Variants in RBM47 observed in about 807,000 individuals in gnomAD.
RBM47 encodes RNA-binding protein 47.
RBM47 carries 21 observed loss-of-function variants against 47.1 expected under a neutral mutation model. The observed-to-expected ratio is 0.45, with a 90% CI of 0.32 to 0.64. RBM47 has a LOEUF of 0.64. RBM47 is among the 30% of genes least tolerant of loss of function. The probability of loss-of-function intolerance (pLI) is 0.05; values close to 1 mark genes in which losing one functional copy is unlikely to be tolerated. For missense variants in RBM47, 708 were observed against 870.9 expected (o/e 0.81, Z 2.35); for synonymous variants, 375 against 361.7 (o/e 1.04, Z -0.42).
intron 1 of RBM47, among the ~76,000 whole-genome samples, chr4:40,625,814 C>CTATTTATAGATTTATT (rs1737688243): frequency 6.6e-6 from 1 of 152,116 alleles, no homozygotes; most frequent in Non-Finnish European, 1.5e-5. Context: ...TGAGTGTAAT[C>CTATTTATAGATTTATT]TATAAATAAA....
chr4:40,550,907 CA>C (rs796760473), intron 1 of RBM47, among the ~76,000 whole-genome samples: 147 of 133,296 alleles, frequency 1.1e-3, no homozygotes, highest in South Asian at 2.7e-3. Context: ...TCAAGGAATG[CA>C]AAAAAAAAAA....
chr4:40,448,914 G>A (rs144756636), intron 3 of RBM47, among the ~76,000 whole-genome samples: 90 of 152,318 alleles, frequency 5.9e-4, no homozygotes, highest in African/African-American at 2.0e-3. Context: ...CCCAAACTTG[G>A]GGTGAAGGAG....
rs2154275295 is a variant in RBM47, at chr4:40,592,121, C to T, written c.-240+37275G>A. On this transcript the variant is annotated intron_variant, in intron 1 of 6. Transcript: ENST00000295971. ...AGTCCACCATTTCCCATTCAGATTT[C>T]AAATGCAGAATCTTTGACCTGTGAC... Among the ~76,000 whole-genome samples the T allele has an allele frequency of 2.0e-5, 3 of 152,276 alleles. No homozygotes were observed. In the South Asian group the frequency reaches 6.2e-4, roughly 32 times the overall value.
chr4:40,432,679 G>C lies in RBM47; in HGVS notation c.1514C>G (p.Pro505Arg). 6.2e-7 allele frequency: 1 copy of C among 1,610,820 alleles called. No homozygotes were observed. Among genetic ancestry groups the C allele is most frequent in the Non-Finnish European group, 8.5e-7 (1 of 1,179,596 alleles). The change falls in exon 6 of 7, where the codon CCC becomes CGC. Residue 505 changes from proline (P) to arginine (R), a missense_variant. Pro to Arg is a moderately radical substitution (Grantham distance 103, BLOSUM62 -2). Coordinates refer to ENST00000295971, the MANE Select transcript of RBM47 (RefSeq NM_001098634.2). ...AAAAAAAAVIPTVSTPPPFQG... is the reference protein window; with the variant it reads ...AAAAAAAAVIRTVSTPPPFQG... ...GAAAGGTGGTGGCGTCGACACAGTG[G>C]GAATGACAGCGGCTGCGGCGGCTGC... is the stretch of plus-strand genomic sequence containing the variant.
chr4:40,525,097 A>G (rs1054723983), intron 2 of RBM47, among the ~76,000 whole-genome samples: 7 of 152,210 alleles, frequency 4.6e-5, no homozygotes, highest in African/African-American at 1.7e-4. Flanking sequence ...CTTGCACCCA[A>G]CTAGGGGACC....
intron 3 of RBM47, among the ~76,000 whole-genome samples, chr4:40,453,558 TTGATTAAGA>T (rs1347199621): frequency 6.6e-6 from 1 of 152,238 alleles, no homozygotes; most frequent in African/African-American, 2.4e-5. Flanking sequence ...TGTTAAATAA[TTGATTAAGA>T]TGATGAAGAT....
At chr4:40,557,195 A>T (rs1730182025) in intron 1 of RBM47, among the ~76,000 whole-genome samples, 1 of 152,000 alleles carries the variant, frequency 6.6e-6, no homozygotes, top group Admixed American at 6.6e-5. Context: ...TCTCAGTTCA[A>T]ATGTCAATTC....
chr4:40,481,612 C>T (rs1399716454), intron 2 of RBM47, among the ~76,000 whole-genome samples: 3 of 150,400 alleles, frequency 2.0e-5, no homozygotes, highest in African/African-American at 7.3e-5. Flanking sequence ...AGTGCAGTGG[C>T]ATGATCTCAG....
At chr4:40,602,066 G>T (rs1014435933) in intron 1 of RBM47, among the ~76,000 whole-genome samples, 2 of 152,086 alleles carry the variant, frequency 1.3e-5, no homozygotes, top group Non-Finnish European at 2.9e-5. Flanking sequence ...CTACTCAGGG[G>T]CTGAGGCAGG....
rs1339578642 is a variant in RBM47 at position 40,424,622 on chromosome 4, C to T, written c.*1282G>A. The T allele has an allele frequency of 6.6e-6, 1 of 152,060 alleles. No individual in the cohort carries two copies. Among genetic ancestry groups the T allele is most frequent in the African/African-American group, 2.4e-5 (1 of 41,374 alleles). The allele number at this position is 152,060 out of a possible 1,614,324, so 9.4% of individuals were successfully genotyped here. On this transcript the variant is annotated 3_prime_UTR_variant, in exon 7 of 7. Transcript: ENST00000295971. Reference sequence around the variant, plus strand: ...TCCTCCTCCTCCTGGATGTGCACACCCCAATCCAGTTCACCCATCAAGTGC... The same window carrying T: ...TCCTCCTCCTCCTGGATGTGCACACTCCAATCCAGTTCACCCATCAAGTGC...
At position 40,591,948 on chromosome 4, in the gene RBM47, T is replaced by C. The variant is rs13137638; in HGVS notation, c.-240+37448A>G. On this transcript the variant is annotated intron_variant, in intron 1 of 6. Coordinates refer to ENST00000295971, the MANE Select transcript of RBM47 (RefSeq NM_001098634.2). ...AAAATGGAACCTCTCAAAGTTAATA[T>C]ATATTTTGGATGCCTAGGAGAGCTT... 2.8e-3 allele frequency among the ~76,000 whole-genome samples: 420 copies of C among 152,252 alleles called. 1 individual carries two copies. Among genetic ancestry groups the C allele is most frequent in the Admixed American group, 5.6e-3 (85 of 15,286 alleles).
intron 1 of RBM47, among the ~76,000 whole-genome samples, chr4:40,576,233 C>T: frequency 8.0e-6 from 1 of 125,476 alleles, no homozygotes; most frequent in Non-Finnish European, 1.6e-5. Flanking sequence ...TTTTCTTTCT[C>T]TTTTCTGTTT....
In RBM47 at chr4:40,573,150, C is replaced by CT. The variant is rs1284784000; in HGVS notation, c.-239-28645dup. Reference sequence around the variant, plus strand: ...ACTAGGTGACAGAGCAAGACTTCATCTCAAAAAAAAAAAAAAAAAAAAAAT... The same window carrying CT: ...ACTAGGTGACAGAGCAAGACTTCATCTTCAAAAAAAAAAAAAAAAAAAAAAT... On this transcript the variant is annotated intron_variant, in intron 1 of 6. Coordinates refer to ENST00000295971, the MANE Select transcript of RBM47 (RefSeq NM_001098634.2). Among the ~76,000 whole-genome samples, 38 of 107,220 alleles carry CT rather than the reference C, an allele frequency of 3.5e-4. 1 individual carries two copies. The highest frequency in any genetic ancestry group is 5.5e-4 in the Non-Finnish European group (32 of 58,534). 70.3% of individuals were successfully genotyped at this position (107,220 alleles called of 152,430 possible). A position where few individuals can be genotyped will look rare whatever the true frequency, so the allele number is the denominator to read the frequency against.
At chr4:40,516,258 T>C (rs555991012) in intron 2 of RBM47, among the ~76,000 whole-genome samples, 20 of 141,982 alleles carry the variant, frequency 1.4e-4, no homozygotes, top group African/African-American at 5.3e-4. Flanking sequence ...TTTTCTTTTC[T>C]TTCTTTTTTT....
intron 1 of RBM47, among the ~76,000 whole-genome samples, chr4:40,601,007 G>GA (rs1314724359): frequency 4.2e-5 from 3 of 71,660 alleles, no homozygotes; most frequent in Non-Finnish European, 9.3e-5. Flanking sequence ...AAAAAAGAAA[G>GA]AAGAACATAA....
intron 2 of RBM47, among the ~76,000 whole-genome samples, chr4:40,519,642 C>T: frequency 6.7e-6 from 1 of 148,396 alleles, no homozygotes; most frequent in Admixed American, 6.8e-5. Flanking sequence ...TCTCCCACTT[C>T]CCTCTACCCT....
At chr4:40,561,708 C>T (rs1240338511) in intron 1 of RBM47, among the ~76,000 whole-genome samples, 2 of 152,012 alleles carry the variant, frequency 1.3e-5, no homozygotes, top group Non-Finnish European at 2.9e-5. Flanking sequence ...CACCACCATG[C>T]CCAGCTAATT....
At chr4:40,501,057 A>G (rs2154250116) in intron 2 of RBM47, among the ~76,000 whole-genome samples, 1 of 152,198 alleles carries the variant, frequency 6.6e-6, no homozygotes, top group South Asian at 2.1e-4. Flanking sequence ...AAAAAAAAAC[A>G]AAACAGCAAT....
intron 1 of RBM47, among the ~76,000 whole-genome samples, chr4:40,588,727 C>T (rs1318974135): frequency 3.3e-5 from 5 of 152,058 alleles, no homozygotes; most frequent in Non-Finnish European, 5.9e-5. Flanking sequence ...AAATTACTTT[C>T]TTAGAATGAA....
Sources: gnomAD v4.1 joint callset for allele counts (sites outside exome capture counted in the v4.1 genomes callset) on GRCh38, gnomAD v4.1.1 for gene constraint, MANE v1.5 for transcripts, NCBI Gene and HGNC (gene_info 2026-07-23, HGNC 2026-07-21) for gene names.